RIMS3: variants seen among roughly 807,000 people sequenced by gnomAD.
RIMS3 encodes the protein regulating synaptic membrane exocytosis 3.
RIMS3 carries 15 observed loss-of-function variants against 29.2 expected under a neutral mutation model. That is an observed-to-expected ratio of 0.51 (90% confidence interval 0.34 to 0.79). The LOEUF is 0.79. Among genes scored for constraint, RIMS3 ranks in the 30% least tolerant of loss-of-function variants. The pLI, the probability that RIMS3 is intolerant of heterozygous loss-of-function variation, is 0.01. For synonymous variants in RIMS3, 161 were observed against 170.1 expected (o/e 0.95, Z 0.41); for missense variants, 342 against 421.4 (o/e 0.81, Z 1.65).
the RIMS3 span, chr1:40,690,577 CTT>C: frequency 2.0e-5 from 3 of 152,176 alleles, no homozygotes; most frequent in East Asian, 5.8e-4. Context: ...AGTCAAGTGT[CTT>C]ATAGTTAGGT....
rs371628160 is a variant in RIMS3 at position 40,635,621 on chromosome 1, G to A, written c.359+295C>T. On this transcript the variant is annotated intron_variant, in intron 4 of 7. Coordinates refer to ENST00000372684, the MANE Select transcript of RIMS3 (RefSeq NM_014747.3). The surrounding 1 kb of genome is among the most constrained non-coding windows in gnomAD (Gnocchi z 4.1). ...TTTCCTTTCCACCCTTTCCTCTGGA[G>A]CAGGGCAGTGTGTGCGTGGTGGGAG... Among the ~76,000 whole-genome samples, 15 of 152,322 alleles carry A rather than the reference G, an allele frequency of 9.8e-5. No individual in the cohort carries two copies. The highest frequency in any genetic ancestry group is 7.7e-4 in the East Asian group (4 of 5,184).
intron 5 of RIMS3, among the ~76,000 whole-genome samples, chr1:40,632,633 T>TC (rs2148345778): frequency 6.6e-6 from 1 of 151,926 alleles, no homozygotes; most frequent in Admixed American, 6.6e-5. Context: ...GAATTTTTTT[T>TC]CCCTGAATAT....
In RIMS3 at chr1:40,641,803, G is replaced by A. The variant is rs141237185; in HGVS notation, c.123C>T (p.Thr41=). The change falls in exon 3 of 8, where the codon ACC becomes ACT. Residue 41 remains threonine (T), a synonymous_variant. Coordinates refer to ENST00000372684, the MANE Select transcript of RIMS3 (RefSeq NM_014747.3). The part of the protein sequence containing the change: ...QQAGGGAGTT[T]AKKRRSSLGA... ...CCAGGCTGCTCCGCCGCTTCTTGGC[G>A]GTGGTGGTCCCAGCCCCGCCCCCGG... is the stretch of plus-strand genomic sequence containing the variant. 84 of 1,612,566 alleles carry A rather than the reference G, an allele frequency of 5.2e-5. 2 individuals are homozygous for A. Among genetic ancestry groups the A allele is most frequent in the South Asian group, 5.2e-4 (47 of 91,064 alleles).
intron 3 of RIMS3, among the ~76,000 whole-genome samples, chr1:40,637,289 C>T (rs1479876089): frequency 2.0e-5 from 3 of 152,172 alleles, no homozygotes; most frequent in African/African-American, 7.2e-5. Context: ...GCTTCGTCTG[C>T]TTATCTTTCA....
upstream of RIMS3, among the ~76,000 whole-genome samples, chr1:40,670,609 T>TATATATATATATATA (rs55692608): frequency 3.1e-3 from 422 of 135,470 alleles, no homozygotes; most frequent in South Asian, 4.7e-3. Context: ...TATATATATA[T>TATATATATATATATA]TTGAGATGGA....
At chr1:40,630,646 A>G (rs1277447106) in intron 5 of RIMS3, among the ~76,000 whole-genome samples, 1 of 152,222 alleles carries the variant, frequency 6.6e-6, no homozygotes, top group Non-Finnish European at 1.5e-5. Flanking sequence ...ATTAATCTCC[A>G]GTAACATCAC....
chr1:40,657,598 T>G (rs1642289243), intron 1 of RIMS3, among the ~76,000 whole-genome samples: 1 of 151,702 alleles, frequency 6.6e-6, no homozygotes, highest in Admixed American at 6.6e-5. Flanking sequence ...AATACAAAAC[T>G]GAGCTGGGCA....
At chr1:40,634,955 A>G (rs1340383763) in intron 4 of RIMS3, among the ~76,000 whole-genome samples, 1 of 151,624 alleles carries the variant, frequency 6.6e-6, no homozygotes, top group East Asian at 1.9e-4. Flanking sequence ...AAAAAAAAAA[A>G]CAAAAAAAAC....
At chr1:40,664,956 C>A (rs889236601) in intron 1 of RIMS3, among the ~76,000 whole-genome samples, 2 of 152,126 alleles carry the variant, frequency 1.3e-5, no homozygotes, top group African/African-American at 4.8e-5. Flanking sequence ...AGGGGGTCCT[C>A]TGGACACCAC....
In RIMS3 at chr1:40,623,954, T is replaced by G. The variant is rs768837156; in HGVS notation, c.*2563A>C. 2.6e-5 allele frequency: 4 copies of G among 155,764 alleles called. No individual in the cohort carries two copies. Among genetic ancestry groups the G allele is most frequent in the Non-Finnish European group, 5.7e-5 (4 of 70,572 alleles). 9.6% of individuals were successfully genotyped at this position (155,764 alleles called of 1,614,324 possible). A position where few individuals can be genotyped will look rare whatever the true frequency, so the allele number is the denominator to read the frequency against. On this transcript the variant is annotated 3_prime_UTR_variant, in exon 8 of 8. Transcript: ENST00000372684. ...CCCCAAGGTCAATTTGGGGAGGAAA[T>G]TACCTTCTTTTAGAGAGGTGGAATA...
intron 1 of RIMS3, among the ~76,000 whole-genome samples, chr1:40,664,118 A>G (rs971770475): frequency 6.6e-6 from 1 of 152,022 alleles, no homozygotes; most frequent in Admixed American, 6.5e-5. Flanking sequence ...GGAAGTCCCT[A>G]AGCAAGGCAG....
At chr1:40,644,716 A>G (rs1646583022) in intron 2 of RIMS3, among the ~76,000 whole-genome samples, 2 of 152,208 alleles carry the variant, frequency 1.3e-5, no homozygotes, top group African/African-American at 4.8e-5. Flanking sequence ...CTGCTCAGGA[A>G]GAACCCAACA....
In RIMS3 at chr1:40,626,655, C is replaced by G. The variant is rs544683595; in HGVS notation, c.789G>C (p.Glu263Asp). 38 of 1,614,208 alleles carry G rather than the reference C, an allele frequency of 2.4e-5. No homozygotes were observed. The highest frequency in any genetic ancestry group is 3.0e-5 in the Non-Finnish European group (35 of 1,180,034). ...FMGMAQIMLD[E>D]LDLSAAVTGW... ...CGGTGACCGCGGCGCTGAGGTCCAG[C>G]TCGTCCAGCATGATCTGGGCCATGC... The change falls in exon 8 of 8, where the codon GAG (glutamate) becomes GAC (aspartate). Residue 263 changes from glutamate (E) to aspartate (D), a missense_variant. By Grantham distance (45) the Glu-to-Asp change is conservative (BLOSUM62 2). Coordinates refer to ENST00000372684, the MANE Select transcript of RIMS3 (RefSeq NM_014747.3).
At chr1:40,650,165 G>C (rs192156811) in intron 1 of RIMS3, among the ~76,000 whole-genome samples, 2 of 152,122 alleles carry the variant, frequency 1.3e-5, no homozygotes, top group Non-Finnish European at 2.9e-5. Context: ...TGGGTGAGCC[G>C]TGTCTCCCAT....
chr1:40,670,579 T>TATATATATAC (rs1219230072), upstream of RIMS3, among the ~76,000 whole-genome samples: 5 of 95,868 alleles, frequency 5.2e-5, no homozygotes, highest in East Asian at 1.3e-3. Context: ...TAATTTTATA[T>TATATATATAC]ATATATATAT....
At chr1:40,670,013 C>T (rs937399779), upstream of RIMS3, among the ~76,000 whole-genome samples, 4 of 152,252 alleles carry the variant, frequency 2.6e-5, no homozygotes, top group African/African-American at 7.2e-5. Context: ...TCTTGCCTCT[C>T]CTCTAGTCCA....
the RIMS3 span, among the ~76,000 whole-genome samples, chr1:40,682,584 G>A: frequency 1.3e-5 from 2 of 152,050 alleles, no homozygotes; most frequent in Non-Finnish European, 2.9e-5. Context: ...CCTGCCTGGA[G>A]TCCCCCTCCA....
the RIMS3 span, among the ~76,000 whole-genome samples, chr1:40,671,855 C>A: frequency 6.6e-6 from 1 of 151,582 alleles, no homozygotes; most frequent in South Asian, 2.1e-4. Flanking sequence ...CTCCACCTCC[C>A]AGGTTCAAGG....
chr1:40,629,163 C>G (rs1330993467), intron 6 of RIMS3, 108 bp downstream of exon 6: 34 of 1,145,786 alleles, frequency 3.0e-5, no homozygotes, highest in Non-Finnish European at 4.0e-5. Flanking sequence ...AGCTGTGACT[C>G]CACTGTAAAG....
Sources: allele counts gnomAD v4.1 joint callset (sites outside exome capture counted in the v4.1 genomes callset), GRCh38; gene constraint gnomAD v4.1.1; non-coding constraint Gnocchi (gnomAD v3.1); transcripts MANE v1.5; gene names NCBI Gene and HGNC (gene_info 2026-07-23, HGNC 2026-07-21).